PIP4K2A: variants seen among roughly 807,000 people sequenced by gnomAD.
PIP4K2A encodes the protein phosphatidylinositol-5-phosphate 4-kinase type 2 alpha, also known as phosphatidylinositol 5-phosphate 4-kinase type-2 alpha.
PIP4K2A carries 14 observed loss-of-function variants against 42.9 expected under a neutral mutation model. The observed-to-expected ratio is 0.33, with a 90% CI of 0.22 to 0.51. The LOEUF is 0.51. Ranked by LOEUF, PIP4K2A falls within the 20% of genes least tolerant of loss-of-function variation. The pLI is 0.97. For synonymous variants in PIP4K2A, 192 were observed against 192.2 expected (o/e 1.00, Z 0.01); for missense variants, 434 against 519.8 (o/e 0.83, Z 1.61).
chr10:22,707,786 C>T (rs1231478183), intron 1 of PIP4K2A, among the ~76,000 whole-genome samples: 2 of 152,124 alleles, frequency 1.3e-5, no homozygotes, highest in African/African-American at 2.4e-5. Context: ...CCACACTATC[C>T]CCATCTTATT....
chr10:22,544,547 T>G (rs976295112), intron 7 of PIP4K2A, among the ~76,000 whole-genome samples: 1 of 152,100 alleles, frequency 6.6e-6, no homozygotes, highest in African/African-American at 2.4e-5. Context: ...GCTTGAGAGG[T>G]GACAGGGAAA....
chr10:22,643,547 C>A (rs1032556042), intron 1 of PIP4K2A, among the ~76,000 whole-genome samples: 8 of 152,142 alleles, frequency 5.3e-5, no homozygotes, highest in Admixed American at 4.6e-4. Context: ...CCAAAGATTG[C>A]CTAACCTGAC....
At chr10:22,638,441 G>A (rs560075428) in intron 1 of PIP4K2A, among the ~76,000 whole-genome samples, 10 of 152,126 alleles carry the variant, frequency 6.6e-5, no homozygotes, top group Admixed American at 6.5e-4. Context: ...CCCAGAATTA[G>A]TCTTCCTGAC....
chr10:22,614,899 G>A (rs1838141039), intron 1 of PIP4K2A, among the ~76,000 whole-genome samples: 1 of 152,172 alleles, frequency 6.6e-6, no homozygotes, highest in Non-Finnish European at 1.5e-5. Flanking sequence ...GATTGAAGAA[G>A]GCTGAGTTAA....
At chr10:22,609,533 T>A (rs1184454554) in intron 2 of PIP4K2A, 87 bp downstream of exon 2, 1 of 765,970 alleles carries the variant, frequency 1.3e-6, no homozygotes, top group Admixed American at 2.1e-5. Flanking sequence ...CTCCCACCCA[T>A]TGACAAATTA....
intron 3 of PIP4K2A, among the ~76,000 whole-genome samples, chr10:22,597,897 ACT>A (rs903289562): frequency 6.6e-6 from 1 of 152,190 alleles, no homozygotes; most frequent in Non-Finnish European, 1.5e-5. Flanking sequence ...TTTCTGGAAC[ACT>A]TACCCTTATC....
At chr10:22,591,592 C>A (rs370423579) in intron 4 of PIP4K2A, 37 bp downstream of exon 4, 1 of 1,539,372 alleles carries the variant, frequency 6.5e-7, no homozygotes, top group Non-Finnish European at 8.9e-7. Context: ...GCATGTTAAT[C>A]TTCTTGGAGT....
At chr10:22,684,152 T>C (rs1245820246) in intron 1 of PIP4K2A, among the ~76,000 whole-genome samples, 1 of 152,208 alleles carries the variant, frequency 6.6e-6, no homozygotes, top group African/African-American at 2.4e-5. Context: ...GTTTCAGGCC[T>C]GTGGCAAACC....
intron 6 of PIP4K2A, among the ~76,000 whole-genome samples, chr10:22,562,082 C>G (rs150783211): frequency 1.3e-5 from 2 of 152,004 alleles, no homozygotes; most frequent in African/African-American, 2.4e-5. Context: ...TTTTCCCCCC[C>G]GATGTCTGAT....
rs1837762393 is a variant in PIP4K2A at position 22,601,151 on chromosome 10, A to ACC, written c.339+6775_339+6776insGG. The stretch of plus-strand genomic sequence containing the variant: ...GTCTCAAAAAAAAAAAAAAAAAAAA[A>ACC]AAAAAAAAAAAACAAACCAGGAACA... On this transcript the variant is annotated intron_variant, in intron 3 of 9. Coordinates refer to ENST00000376573, the MANE Select transcript of PIP4K2A (RefSeq NM_005028.5). Among the ~76,000 whole-genome samples, 4 of 142,054 alleles carry ACC rather than the reference A, an allele frequency of 2.8e-5. No homozygotes were observed. The Admixed American group carries it at 2.9e-4, about 10-fold the overall frequency. The allele number at this position is 142,054 out of a possible 152,430, so 93.2% of individuals were successfully genotyped here.
Position 22,613,632 on chromosome 10 carries a change from G to C in PIP4K2A, c.145-3915C>G, listed in dbSNP as rs116338138. The stretch of plus-strand genomic sequence containing the variant: ...AAGAGAACACAGAGAGCTTAAAAAG[G>C]GGACTGCAGAATGTGGATGGACAAG... On this transcript the variant is annotated intron_variant, in intron 1 of 9. Coordinates refer to ENST00000376573, the MANE Select transcript of PIP4K2A (RefSeq NM_005028.5). Among the ~76,000 whole-genome samples the C allele has an allele frequency of 5.3e-3, 810 of 152,150 alleles. 10 individuals are homozygous for C. Among genetic ancestry groups the C allele is most frequent in the African/African-American group, 0.018 (766 of 41,452 alleles).
rs138234374 is a variant in PIP4K2A at position 22,635,032 on chromosome 10, A to C, written c.145-25315T>G. On this transcript the variant is annotated intron_variant, in intron 1 of 9. Coordinates refer to ENST00000376573, the MANE Select transcript of PIP4K2A (RefSeq NM_005028.5). ...AGACTACGATGGGGTGGAGAGAGTCATAGGTGAGCAACAGAAACAGTGAGG... is the reference window on the plus strand; with the variant it reads ...AGACTACGATGGGGTGGAGAGAGTCCTAGGTGAGCAACAGAAACAGTGAGG... Among the ~76,000 whole-genome samples, 556 of 152,298 alleles carry C rather than the reference A, an allele frequency of 3.7e-3. 7 individuals are homozygous for C. Among genetic ancestry groups the C allele is most frequent in the East Asian group, 0.025 (131 of 5,186 alleles).
intron 6 of PIP4K2A, 147 bp from the exon 7 acceptor site, chr10:22,550,919 A>T: frequency 1.6e-6 from 1 of 621,430 alleles, no homozygotes; most frequent in Non-Finnish European, 2.9e-6. Flanking sequence ...CAAACAATAA[A>T]ATAGGAGAAG....
At chr10:22,637,493 C>A (rs1838691803) in intron 1 of PIP4K2A, among the ~76,000 whole-genome samples, 1 of 152,340 alleles carries the variant, frequency 6.6e-6, no homozygotes, top group Non-Finnish European at 1.5e-5. Flanking sequence ...CCAAACATAA[C>A]AACACATGCT....
At chr10:22,545,287 A>G (rs991562193) in intron 7 of PIP4K2A, among the ~76,000 whole-genome samples, 15 of 152,262 alleles carry the variant, frequency 9.9e-5, no homozygotes, top group South Asian at 6.2e-4. Context: ...AAGGAAGCGC[A>G]AGGTGACCAT....
intron 1 of PIP4K2A, among the ~76,000 whole-genome samples, chr10:22,674,817 C>T (rs750669770): frequency 1.4e-5 from 2 of 139,492 alleles, no homozygotes; most frequent in Non-Finnish European, 1.6e-5. Context: ...AAATAAAACC[C>T]AGCCAGGAGT....
At chr10:22,651,660 G>A (rs1838999472) in intron 1 of PIP4K2A, among the ~76,000 whole-genome samples, 1 of 152,196 alleles carries the variant, frequency 6.6e-6, no homozygotes, top group African/African-American at 2.4e-5. Context: ...TTATGCAGTT[G>A]TCATCATTGG....
intron 6 of PIP4K2A, among the ~76,000 whole-genome samples, chr10:22,555,389 C>A (rs896097049): frequency 1.8e-4 from 27 of 152,150 alleles, no homozygotes; most frequent in African/African-American, 6.0e-4. Context: ...TAAAATGGTG[C>A]CTGCCACACA....
chr10:22,563,864 C>T (rs966483891), intron 6 of PIP4K2A, among the ~76,000 whole-genome samples: 3 of 152,222 alleles, frequency 2.0e-5, no homozygotes, highest in Admixed American at 6.5e-5. Flanking sequence ...CAATTTAAAA[C>T]GGTCTGGCAT....
Sources: allele counts gnomAD v4.1 joint callset (sites outside exome capture counted in the v4.1 genomes callset), GRCh38; gene constraint gnomAD v4.1.1; transcripts MANE v1.5; gene names NCBI Gene and HGNC (gene_info 2026-07-23, HGNC 2026-07-21).